The following CAMK2B variants were observed in gnomAD, a reference collection of about 807,000 sequenced individuals.
CAMK2B encodes the protein calcium/calmodulin-dependent protein kinase type II subunit beta.
A neutral mutation model predicts 93.7 loss-of-function variants in CAMK2B; 27 were observed. The ratio of observed to expected loss-of-function variants is 0.29; its 90% CI spans 0.21 to 0.40. The LOEUF is 0.40. Among genes scored for constraint, CAMK2B ranks in the 10% least tolerant of loss-of-function variants. CAMK2B has a pLI of 1.00. For missense variants in CAMK2B, 568 were observed against 895.8 expected, an observed-to-expected ratio of 0.63 and a Z score of 4.67; for synonymous variants, 374 against 358.8, an observed-to-expected ratio of 1.04 and a Z score of -0.48.
chr7:44,311,396 A>T lies in CAMK2B; in HGVS notation c.65+13961T>A, dbSNP rs190902967. Among the ~76,000 whole-genome samples the T allele has an allele frequency of 6.6e-4, 101 of 152,290 alleles. 1 individual carries two copies. Among genetic ancestry groups the T allele is most frequent in the African/African-American group, 2.4e-3 (98 of 41,562 alleles). ...CAGCCAAAATCTGGTTTTAAGAAGA[A>T]CTCCTTTATCACCATGTGGCAAATC... On this transcript the variant is annotated intron_variant, in intron 1 of 23. Coordinates refer to ENST00000395749, the MANE Select transcript of CAMK2B (RefSeq NM_001220.5). The surrounding 1 kb of genome is among the most constrained non-coding windows in gnomAD (Gnocchi z 4.2).
chr7:44,323,603 C>CTG (rs1479121143), intron 1 of CAMK2B, among the ~76,000 whole-genome samples: 6 of 152,194 alleles, frequency 3.9e-5, no homozygotes, highest in African/African-American at 1.4e-4. Context: ...GAAGGAACAG[C>CTG]CAGAGTGAGC....
intron 1 of CAMK2B, among the ~76,000 whole-genome samples, chr7:44,303,017 C>T (rs1472234321): frequency 6.6e-6 from 1 of 152,004 alleles, no homozygotes; most frequent in Non-Finnish European, 1.5e-5. Context: ...AAAGAATCAA[C>T]AAAAAAATTC....
At chr7:44,242,985 A>G (rs1584097700) in intron 8 of CAMK2B, among the ~76,000 whole-genome samples, 1 of 151,844 alleles carries the variant, frequency 6.6e-6, no homozygotes, top group Admixed American at 6.6e-5. Context: ...ACTCCCATCC[A>G]CCCACCACAC....
At chr7:44,238,533 G>A (rs1052763513) in intron 13 of CAMK2B, among the ~76,000 whole-genome samples, 1 of 152,180 alleles carries the variant, frequency 6.6e-6, no homozygotes, top group Non-Finnish European at 1.5e-5. Flanking sequence ...ACGTCCACTG[G>A]GCTCATGGGA....
At chr7:44,325,121 C>G (rs1454169025) in intron 1 of CAMK2B, 3 of 151,294 alleles carry the variant, frequency 2.0e-5, no homozygotes, top group Non-Finnish European at 4.4e-5. Flanking sequence ...AGCCCCGGCC[C>G]GGCAGCCGCG....
chr7:44,242,762 T>C (rs1277506949), intron 8 of CAMK2B, 108 bp from the exon 9 acceptor site: 10 of 766,130 alleles, frequency 1.3e-5, no homozygotes, highest in Non-Finnish European at 2.2e-5. Flanking sequence ...GGGAGGGCAT[T>C]GGGGTCCTCA....
At chr7:44,265,496 C>T (rs558677027) in intron 2 of CAMK2B, among the ~76,000 whole-genome samples, 1 of 152,328 alleles carries the variant, frequency 6.6e-6, no homozygotes, top group East Asian at 1.9e-4. Flanking sequence ...GCGGTGGAAC[C>T]AGGGCACGTA....
chr7:44,220,836 C>A lies in CAMK2B; in HGVS notation c.1663G>T (p.Glu555Ter). The change falls in exon 21 of 24, where the codon GAG becomes TAG. Residue 555 changes from glutamate to a stop codon, truncating the protein, a stop_gained. Transcript: ENST00000395749. LOFTEE classifies it high-confidence loss of function. ...LIEAVNNGDFEAYAKICDPGL... is the reference protein window; with the variant it reads ...LIEAVNNGDF ...GCCCCAGGGACTCACGCGTAGGCCT[C>A]AAAGTCACCGTTGTTGACGGCCTCG... 1 of 1,570,034 alleles carries A rather than the reference C, an allele frequency of 6.4e-7. No individual in the cohort carries two copies. The highest frequency in any genetic ancestry group is 1.3e-5 in the African/African-American group (1 of 74,120).
chr7:44,221,123 T>C (rs553336070), intron 20 of CAMK2B, among the ~76,000 whole-genome samples: 69 of 152,360 alleles, frequency 4.5e-4, no homozygotes, highest in African/African-American at 1.6e-3. Flanking sequence ...AACTAAAGTA[T>C]TTTTGAAGAA....
At position 44,234,685 on chromosome 7, in the gene CAMK2B, T is replaced by G. The variant is rs762493595; in HGVS notation, c.1022-9A>C. 1.2e-6 allele frequency: 2 copies of G among 1,613,960 alleles called. No homozygotes were observed. The highest frequency in any genetic ancestry group is 1.7e-5 in the Admixed American group (1 of 60,004). Reference sequence around the variant, plus strand: ...GTTGAGTAAACTCTTGGCTGCTGCATGGGGAGGAAGAAGGTATGGTGAGTG... The same window carrying G: ...GTTGAGTAAACTCTTGGCTGCTGCAGGGGGAGGAAGAAGGTATGGTGAGTG... On this transcript the variant is annotated splice_polypyrimidine_tract_variant and intron_variant, in intron 13 of 23. Transcript: ENST00000395749.
At position 44,252,854 on chromosome 7, in the gene CAMK2B, T is replaced by C. The variant is rs73095999; in HGVS notation, c.341+1688A>G. On this transcript the variant is annotated intron_variant, in intron 5 of 23. Coordinates refer to ENST00000395749, the MANE Select transcript of CAMK2B (RefSeq NM_001220.5). ...TTCTACTTGTCTTCTAAGTAGAATA[T>C]AAAGGAAAACCTCGTCTTCCTCCAC... Among the ~76,000 whole-genome samples the C allele has an allele frequency of 3.4e-3, 515 of 152,320 alleles. 1 individual carries two copies. Among genetic ancestry groups the C allele is most frequent in the Non-Finnish European group, 6.2e-3 (424 of 68,016 alleles).
chr7:44,322,231 T>C (rs1796293816), intron 1 of CAMK2B, among the ~76,000 whole-genome samples: 2 of 152,328 alleles, frequency 1.3e-5, no homozygotes, highest in South Asian at 4.1e-4. Context: ...AGGTTTTTTA[T>C]GTAAAGTTAA....
chr7:44,227,731 G>GA (rs1199881463), intron 19 of CAMK2B, among the ~76,000 whole-genome samples: 1 of 13,290 alleles, frequency 7.5e-5, no homozygotes, highest in Non-Finnish European at 1.3e-4. Context: ...GGGACAGAGG[G>GA]GTATATGGGG....
intron 1 of CAMK2B, among the ~76,000 whole-genome samples, chr7:44,305,745 C>T (rs1584818801): frequency 6.6e-6 from 1 of 152,192 alleles, no homozygotes; most frequent in African/African-American, 2.4e-5. Flanking sequence ...GCCTTGGGTG[C>T]CGTCTTGGCT....
intron 2 of CAMK2B, chr7:44,268,953 T>A (rs1235175365): frequency 6.6e-6 from 1 of 151,522 alleles, no homozygotes; most frequent in Non-Finnish European, 1.5e-5. Context: ...AGACCAGGAG[T>A]GGTGGGGGAG....
chr7:44,226,590 T>C lies in CAMK2B; in HGVS notation c.1523A>G (p.Glu508Gly). 6.6e-7 allele frequency: 1 copy of C among 1,507,482 alleles called. No homozygotes were observed. Among genetic ancestry groups the C allele is most frequent in the Non-Finnish European group, 8.8e-7 (1 of 1,136,606 alleles). The allele number at this position is 1,507,482 out of a possible 1,614,324, so 93.4% of individuals were successfully genotyped here. A position where few individuals can be genotyped will look rare whatever the true frequency, so the allele number is the denominator to read the frequency against. The change falls in exon 20 of 24, where the codon GAA becomes GGA. Residue 508 changes from glutamate (E) to glycine (G), a missense_variant. Physicochemically the swap from Glu to Gly is moderately conservative, Grantham distance 98. Around this residue, in one of 4 missense-constraint regions of CAMK2B, gnomAD observed 308 missense variants for 292.1 expected, o/e 1.05. Transcript: ENST00000395749. Reference sequence around the variant, plus strand: ...CCCCACTGGCGAGGGGCCCTCGGCTTCTGGGGTCCCTGAGCCCCTCCTCAC... The same window carrying C: ...CCCCACTGGCGAGGGGCCCTCGGCTCCTGGGGTCCCTGAGCCCCTCCTCAC... ...NSVRRGSGTPEAEGPSPVGPP... is the reference protein window; with the variant it reads ...NSVRRGSGTPGAEGPSPVGPP...
intron 6 of CAMK2B, 90 bp downstream of exon 6, chr7:44,247,029 GC>G: frequency 9.8e-7 from 1 of 1,022,258 alleles, no homozygotes; most frequent in South Asian, 1.4e-5. Flanking sequence ...GCTCCACAGT[GC>G]CACACACTGT....
chr7:44,240,976 C>T (rs2096672479), intron 11 of CAMK2B, among the ~76,000 whole-genome samples: 1 of 152,166 alleles, frequency 6.6e-6, no homozygotes, highest in Admixed American at 6.5e-5. Flanking sequence ...AACCTGTTGA[C>T]CAACTACAGC....
At chr7:44,284,075 C>G in intron 2 of CAMK2B, 56 bp downstream of exon 2, 1 of 1,377,666 alleles carries the variant, frequency 7.3e-7, no homozygotes, top group Admixed American at 1.7e-5. Flanking sequence ...GGCACGGCCT[C>G]CAAAGCCCCT....
Sources: allele counts gnomAD v4.1 joint callset (sites outside exome capture counted in the v4.1 genomes callset), GRCh38; gene constraint gnomAD v4.1.1; regional missense constraint gnomAD v4.1.1; non-coding constraint Gnocchi (gnomAD v3.1); transcripts MANE v1.5; gene names NCBI Gene and HGNC (gene_info 2026-07-23, HGNC 2026-07-21).